The following KIAA1217 variants were observed in gnomAD, a reference collection of about 807,000 sequenced individuals.
The protein encoded by KIAA1217 is KIAA1217.
Under a neutral mutation model 163.9 loss-of-function variants are expected in KIAA1217, and 88 were observed. The ratio of observed to expected loss-of-function variants is 0.54; its 90% CI spans 0.45 to 0.64. The LOEUF (loss-of-function observed/expected upper bound fraction) is 0.64. Ranked by LOEUF, KIAA1217 falls within the 30% of genes least tolerant of loss-of-function variation. The pLI is 0.00. For synonymous variants in KIAA1217, 903 were observed against 923.1 expected, an observed-to-expected ratio of 0.98 and a Z score of 0.39; for missense variants, 2,372 against 2,475.0, an observed-to-expected ratio of 0.96 and a Z score of 0.88.
At position 23,966,896 on chromosome 10, in the gene KIAA1217, T is replaced by C. The variant is rs538018191; in HGVS notation, c.-320-40329T>C. 8.5e-5 allele frequency among the ~76,000 whole-genome samples: 13 copies of C among 152,350 alleles called. No homozygotes were observed. In the East Asian group the frequency reaches 2.5e-3, roughly 29 times the overall value. On this transcript the variant is annotated intron_variant, in intron 1 of 18. Coordinates refer to the KIAA1217 transcript ENST00000376462. ...TTTTGGTTTTAATCTCTGCAATATGTAGGCCATGTGCTGCTTCAAAAAGTA... is the reference window on the plus strand; with the variant it reads ...TTTTGGTTTTAATCTCTGCAATATGCAGGCCATGTGCTGCTTCAAAAAGTA...
At chr10:24,020,363 A>T (rs1847678784) in intron 2 of KIAA1217, among the ~76,000 whole-genome samples, 2 of 152,254 alleles carry the variant, frequency 1.3e-5, no homozygotes, top group South Asian at 4.1e-4. Flanking sequence ...TAGCATTGTC[A>T]GTAAAAGTAG....
chr10:23,776,700 C>CTTA (rs1835022781), intron 1 of KIAA1217, among the ~76,000 whole-genome samples: 23 of 85,914 alleles, frequency 2.7e-4, no homozygotes, highest in African/African-American at 8.5e-4. Flanking sequence ...TTTTTTTTTG[C>CTTA]GACAGAGTCT....
chr10:24,302,763 G>C (rs1158438094), intron 2 of KIAA1217, among the ~76,000 whole-genome samples: 1 of 152,182 alleles, frequency 6.6e-6, no homozygotes. Context: ...AGGACACTTT[G>C]AGCAGACACC....
intron 2 of KIAA1217, among the ~76,000 whole-genome samples, chr10:24,078,479 T>C (rs892143105): frequency 7.2e-5 from 11 of 152,326 alleles, no homozygotes; most frequent in African/African-American, 2.4e-4. Context: ...CACGGCACAC[T>C]TTTCTCTTGA....
chr10:24,247,624 C>T (rs895173946), intron 2 of KIAA1217, among the ~76,000 whole-genome samples: 8 of 152,112 alleles, frequency 5.3e-5, no homozygotes, highest in African/African-American at 9.7e-5. Flanking sequence ...GGTGAAACCC[C>T]GTCTCTACTA....
chr10:24,303,776 C>T (rs531239794), intron 2 of KIAA1217, among the ~76,000 whole-genome samples: 11 of 152,236 alleles, frequency 7.2e-5, no homozygotes, highest in Admixed American at 5.2e-4. Flanking sequence ...GTGTGTTGGC[C>T]GTCTTTGTAT....
At chr10:23,991,376 T>C (rs1846210385) in intron 1 of KIAA1217, among the ~76,000 whole-genome samples, 1 of 152,194 alleles carries the variant, frequency 6.6e-6, no homozygotes, top group Non-Finnish European at 1.5e-5. Flanking sequence ...CAGATATGCA[T>C]AGCCCTGAGT....
intron 1 of KIAA1217, among the ~76,000 whole-genome samples, chr10:23,920,829 T>C (rs184221903): frequency 6.6e-6 from 1 of 152,304 alleles, no homozygotes; most frequent in African/African-American, 2.4e-5. Flanking sequence ...AATCCTCATG[T>C]ATCATGGAAG....
intron 20 of KIAA1217, 80 bp downstream of exon 20, chr10:24,545,183 G>A: frequency 6.3e-7 from 1 of 1,575,362 alleles, no homozygotes; most frequent in South Asian, 1.2e-5. Flanking sequence ...ACCAAATATT[G>A]TGCTTTCTTT....
chr10:24,104,964 A>T (rs2062565722), intron 2 of KIAA1217, among the ~76,000 whole-genome samples: 1 of 152,196 alleles, frequency 6.6e-6, no homozygotes, highest in Admixed American at 6.5e-5. Flanking sequence ...TCCCTCAAAC[A>T]CATTTCCTGT....
intron 1 of KIAA1217, among the ~76,000 whole-genome samples, chr10:24,212,897 T>C (rs2068329253): frequency 6.6e-6 from 1 of 152,192 alleles, no homozygotes; most frequent in Non-Finnish European, 1.5e-5. Context: ...CAATAATCAT[T>C]TGTTGAATGA....
intron 5 of KIAA1217, among the ~76,000 whole-genome samples, chr10:24,447,251 C>CTATT (rs1338395424): frequency 1.2e-4 from 18 of 151,152 alleles, no homozygotes; most frequent in African/African-American, 4.1e-4. Context: ...ATTTATTTAT[C>CTATT]TATTTATTTT....
chr10:23,714,786 G>T (rs746335333), intron 1 of KIAA1217, among the ~76,000 whole-genome samples: 19 of 152,074 alleles, frequency 1.2e-4, no homozygotes, highest in African/African-American at 7.2e-5. Context: ...AATCCAGTTT[G>T]TCAATAGAGG....
At chr10:24,276,104 ATTTAGTGAAATAG>A (rs2077257534) in intron 2 of KIAA1217, among the ~76,000 whole-genome samples, 1 of 152,180 alleles carries the variant, frequency 6.6e-6, no homozygotes, top group Non-Finnish European at 1.5e-5. Context: ...TTTTGTCGTT[ATTTAGTGAAATAG>A]TAATTGAATT....
intron 1 of KIAA1217, among the ~76,000 whole-genome samples, chr10:23,866,459 C>T (rs1389590490): frequency 6.6e-6 from 1 of 151,946 alleles, no homozygotes; most frequent in African/African-American, 2.4e-5. Flanking sequence ...GTTAGTACAC[C>T]CACAATTTAT....
chr10:24,438,189 G>C (rs1308836499), intron 4 of KIAA1217, among the ~76,000 whole-genome samples, 197 bp from the exon 5 acceptor site: 6 of 152,052 alleles, frequency 3.9e-5, no homozygotes, highest in South Asian at 2.1e-4. Context: ...GGAGAGAAAA[G>C]CTGAAGTCAT....
At chr10:24,410,909 C>A (rs562837355) in intron 3 of KIAA1217, among the ~76,000 whole-genome samples, 1 of 152,178 alleles carries the variant, frequency 6.6e-6, no homozygotes, top group Non-Finnish European at 1.5e-5. Context: ...TTCTCACAGT[C>A]CTTCGTGCGT....
intron 1 of KIAA1217, among the ~76,000 whole-genome samples, chr10:23,921,706 G>T (rs1842852956): frequency 6.6e-6 from 1 of 152,080 alleles, no homozygotes; most frequent in Non-Finnish European, 1.5e-5. Context: ...GCACCCCCCT[G>T]GCTGTTTGGT....
At chr10:23,700,026 G>A (rs1367644049) in intron 1 of KIAA1217, among the ~76,000 whole-genome samples, 3 of 152,120 alleles carry the variant, frequency 2.0e-5, no homozygotes, top group Non-Finnish European at 4.4e-5. Context: ...AGATAGAACT[G>A]GAATCTTAAT....
Sources: allele counts gnomAD v4.1 joint callset (sites outside exome capture counted in the v4.1 genomes callset), GRCh38; gene constraint gnomAD v4.1.1; transcripts MANE v1.5; gene names NCBI Gene and HGNC (gene_info 2026-07-23, HGNC 2026-07-21).